Variants in MDM1 observed in about 807,000 individuals in gnomAD.
MDM1 encodes the protein Mdm1 nuclear protein.
Under a neutral mutation model 89.1 loss-of-function variants are expected in MDM1, and 61 were observed. That is an observed-to-expected ratio of 0.68 (90% confidence interval 0.56 to 0.85). The LOEUF is 0.85. Ranked by LOEUF, MDM1 falls within the 40% of genes least tolerant of loss-of-function variation. The pLI is 0.00. For synonymous variants in MDM1, 290 were observed against 294.1 expected, an observed-to-expected ratio of 0.99 and a Z score of 0.14; for missense variants, 820 against 846.5, an observed-to-expected ratio of 0.97 and a Z score of 0.39.
At position 68,295,320 on chromosome 12, in the gene MDM1, A is replaced by G; in HGVS notation, c.2109T>C (p.Ser703=). ...GTGCCAGAGTTTGAAAAGCCCGGAG[A>G]CTAGAAGCTGCAGAGCGAGCAGAAA... ...SEISARSAAS[S]LRAFQTLARA... is the part of the protein sequence containing the mutation. The change falls in exon 15 of 15, where the codon AGT becomes AGC. Residue 703 remains serine, a synonymous_variant. Coordinates refer to ENST00000682720, the MANE Select transcript of MDM1 (RefSeq NM_001354969.2). The G allele has an allele frequency of 6.2e-7, 1 of 1,613,456 alleles. No individual in the cohort carries two copies. The highest frequency in any genetic ancestry group is 1.1e-5 in the South Asian group (1 of 90,990).
chr12:68,315,470 A>T (rs1003487688), intron 9 of MDM1, among the ~76,000 whole-genome samples: 5 of 152,210 alleles, frequency 3.3e-5, no homozygotes, highest in African/African-American at 1.2e-4. Flanking sequence ...TTTCTATTAA[A>T]ATATTCCAAA....
chr12:68,330,106 C>T (rs1876571560), intron 2 of MDM1, among the ~76,000 whole-genome samples: 1 of 152,158 alleles, frequency 6.6e-6, no homozygotes, highest in Admixed American at 6.5e-5. Context: ...AAAGCATTTT[C>T]CCTCCAATCC....
chr12:68,325,817 C>T (rs1056066142), intron 3 of MDM1: 1 of 1,117,234 alleles, frequency 9.0e-7, no homozygotes, highest in African/African-American at 1.6e-5. Context: ...TATTAGGCAT[C>T]CCAGGAAAAA....
chr12:68,324,247 G>T (rs1875641792), intron 4 of MDM1, among the ~76,000 whole-genome samples: 1 of 151,992 alleles, frequency 6.6e-6, no homozygotes, highest in Non-Finnish European at 1.5e-5. Flanking sequence ...GATGATGATA[G>T]GGCTTTGATT....
rs577407852 is a variant in MDM1 at position 68,303,057 on chromosome 12, C to T, written c.1750-185G>A. ...CAGACCTGGCTATATAAACAAAATA[C>T]GTAGACATTTTAAAAATTAAAAGAA... On this transcript the variant is annotated intron_variant, in intron 12 of 14. Coordinates refer to ENST00000682720, the MANE Select transcript of MDM1 (RefSeq NM_001354969.2). Among the ~76,000 whole-genome samples, 12 of 151,870 alleles carry T rather than the reference C, an allele frequency of 7.9e-5. 1 individual carries two copies. The highest frequency in any genetic ancestry group is 1.5e-4 in the Non-Finnish European group (10 of 67,948).
chr12:68,297,476 A>C (rs1785053607), intron 13 of MDM1, among the ~76,000 whole-genome samples: 1 of 152,240 alleles, frequency 6.6e-6, no homozygotes, highest in African/African-American at 2.4e-5. Flanking sequence ...AGAAGAGTGA[A>C]ACCAAGAAAC....
chr12:68,301,545 T>C (rs958754538), intron 13 of MDM1, among the ~76,000 whole-genome samples: 1 of 152,152 alleles, frequency 6.6e-6, no homozygotes, highest in East Asian at 1.9e-4. Context: ...TTCACCACTA[T>C]AGAATACATC....
Position 68,325,593 on chromosome 12 carries a change from T to A in MDM1, c.499-18A>T. ...CTATCCAACTGTTCAAAAAACAAAATCCACTCAAAGACATTAAAAATTTCT... is the reference window on the plus strand; with the variant it reads ...CTATCCAACTGTTCAAAAAACAAAAACCACTCAAAGACATTAAAAATTTCT... On this transcript the variant is annotated intron_variant, in intron 3 of 14. Coordinates refer to ENST00000682720, the MANE Select transcript of MDM1 (RefSeq NM_001354969.2). 1 of 1,497,778 alleles carries A rather than the reference T, an allele frequency of 6.7e-7. No homozygotes were observed. Among genetic ancestry groups the A allele is most frequent in the African/African-American group, 1.4e-5 (1 of 70,484 alleles). 92.8% of individuals were successfully genotyped at this position (1,497,778 alleles called of 1,614,324 possible). A position where few individuals can be genotyped will look rare whatever the true frequency, so the allele number is the denominator to read the frequency against.
chr12:68,321,625 T>A lies in MDM1; in HGVS notation c.805A>T (p.Asn269Tyr). ...LETVSPERKS[N>Y]KIDDRLKLEA... Reference sequence around the variant, plus strand: ...AATTTTAAACGATCGTCTATTTTATTACTCTGAAATGGAAATCATTTAAGC... The same window carrying A: ...AATTTTAAACGATCGTCTATTTTATAACTCTGAAATGGAAATCATTTAAGC... The change falls in exon 6 of 15, where the codon AAT becomes TAT. Residue 269 changes from asparagine (N) to tyrosine (Y), a missense_variant. Coordinates refer to ENST00000682720, the MANE Select transcript of MDM1 (RefSeq NM_001354969.2). 2 of 1,598,226 alleles carry A rather than the reference T, an allele frequency of 1.3e-6. No homozygotes were observed. Among genetic ancestry groups the A allele is most frequent in the Non-Finnish European group, 1.7e-6 (2 of 1,169,074 alleles).
intron 13 of MDM1, among the ~76,000 whole-genome samples, chr12:68,301,705 C>T (rs1269850163): frequency 6.6e-6 from 1 of 151,806 alleles, no homozygotes; most frequent in African/African-American, 2.4e-5. Context: ...AAATCATGTC[C>T]AACATCTGAA....
intron 4 of MDM1, among the ~76,000 whole-genome samples, chr12:68,324,703 A>G (rs528548377): frequency 1.3e-5 from 2 of 152,300 alleles, no homozygotes; most frequent in South Asian, 4.1e-4. Flanking sequence ...AGACCAGAAG[A>G]AAAAACAGAC....
At chr12:68,307,837 C>A (rs1427186707) in intron 12 of MDM1, among the ~76,000 whole-genome samples, 1 of 151,170 alleles carries the variant, frequency 6.6e-6, no homozygotes, top group Non-Finnish European at 1.5e-5. Flanking sequence ...ATTTGGGAGG[C>A]TGAGGCATGA....
In MDM1 at chr12:68,297,727, G is replaced by A. The variant is rs145790056; in HGVS notation, c.2003-745C>T. ...TGACTGAAGGATACCAGGTTCAACTGTGGGCAGGGGTAATGTATTCAAAAC... is the reference window on the plus strand; with the variant it reads ...TGACTGAAGGATACCAGGTTCAACTATGGGCAGGGGTAATGTATTCAAAAC... On this transcript the variant is annotated intron_variant, in intron 13 of 14. Transcript: ENST00000682720. 7.2e-5 allele frequency among the ~76,000 whole-genome samples: 11 copies of A among 152,296 alleles called. No individual in the cohort carries two copies. In the East Asian group the frequency reaches 2.1e-3, roughly 29 times the overall value.
chr12:68,295,071 T>C lies in MDM1; in HGVS notation c.*183A>G. The C allele has an allele frequency of 1.3e-5, 5 of 399,822 alleles. No individual in the cohort carries two copies. Among genetic ancestry groups the C allele is most frequent in the Non-Finnish European group, 2.3e-5 (5 of 218,542 alleles). The allele number at this position is 399,822 out of a possible 1,614,324, so 24.8% of individuals were successfully genotyped here. ...TACTCTGGGATAGATGTAAAAAGAA[T>C]TCTTTAAAAGTTAAATTTGTATAAG... On this transcript the variant is annotated 3_prime_UTR_variant, in exon 15 of 15. Coordinates refer to ENST00000682720, the MANE Select transcript of MDM1 (RefSeq NM_001354969.2).
chr12:68,326,451 C>T, intron 3 of MDM1: 1 of 1,471,600 alleles, frequency 6.8e-7, no homozygotes, highest in Non-Finnish European at 9.0e-7. Context: ...TATCATAGTA[C>T]AACTACTACA....
intron 3 of MDM1, chr12:68,325,927 C>T (rs894784023): frequency 8.0e-6 from 8 of 997,866 alleles, no homozygotes; most frequent in Non-Finnish European, 9.5e-6. Context: ...TCTATGAACA[C>T]CCCTTCTCCT....
chr12:68,294,708 CAT>C lies in MDM1; in HGVS notation c.*544_*545del, dbSNP rs1871154831. 6.6e-6 allele frequency: 1 copy of C among 152,158 alleles called. No individual in the cohort carries two copies. The highest frequency in any genetic ancestry group is 2.4e-5 in the African/African-American group (1 of 41,440). The allele number at this position is 152,158 out of a possible 1,614,324, so 9.4% of individuals were successfully genotyped here. A position where few individuals can be genotyped will look rare whatever the true frequency, so the allele number is the denominator to read the frequency against. ...AATACACTCAAAGATCAAAAATATA[CAT>C]ATCTTTCAGCAAACTTTGTTACATA... On this transcript the variant is annotated 3_prime_UTR_variant, in exon 15 of 15. Coordinates refer to ENST00000682720, the MANE Select transcript of MDM1 (RefSeq NM_001354969.2).
At chr12:68,303,865 T>TA (rs1264763795) in intron 12 of MDM1, among the ~76,000 whole-genome samples, 1 of 152,230 alleles carries the variant, frequency 6.6e-6, no homozygotes, top group African/African-American at 2.4e-5. Context: ...CCTTCTTTTT[T>TA]AGTTTGGTCA....
At chr12:68,322,794 T>TTACTTCCTGTATTGTTAAG (rs1248683635) in intron 5 of MDM1, among the ~76,000 whole-genome samples, 2 of 152,232 alleles carry the variant, frequency 1.3e-5, no homozygotes, top group African/African-American at 4.8e-5. Context: ...CTTATTAGAC[T>TTACTTCCTGTATTGTTAAG]TACTTCCTGT....
Sources: allele counts gnomAD v4.1 joint callset (sites outside exome capture counted in the v4.1 genomes callset), GRCh38; gene constraint gnomAD v4.1.1; transcripts MANE v1.5; gene names NCBI Gene and HGNC (gene_info 2026-07-23, HGNC 2026-07-21).